ABCA12: variants seen among roughly 807,000 people sequenced by gnomAD.
ABCA12 encodes the protein ATP binding cassette subfamily A member 12.
In ABCA12, 156 loss-of-function variants were observed where a neutral mutation model predicts 293.5. The observed-to-expected ratio is 0.53, with a 90% CI of 0.47 to 0.61. The LOEUF (loss-of-function observed/expected upper bound fraction) is 0.61, where lower values mean the gene tolerates loss of function less well. Among genes scored for constraint, ABCA12 ranks in the 20% least tolerant of loss-of-function variants. The pLI is 0.00. For synonymous variants in ABCA12, 1,063 were observed against 1,108.0 expected (o/e 0.96, Z 0.81); for missense variants, 2,797 against 3,090.2 (o/e 0.91, Z 2.25).
chr2:214,994,307 T>A (rs1453048544), intron 23 of ABCA12, among the ~76,000 whole-genome samples: 1 of 151,988 alleles, frequency 6.6e-6, no homozygotes, highest in Non-Finnish European at 1.5e-5. Flanking sequence ...AGAGAGTCAC[T>A]TTTATCAAGC....
intron 1 of ABCA12, among the ~76,000 whole-genome samples, chr2:215,118,837 G>T (rs1468154511): frequency 1.3e-5 from 2 of 152,056 alleles, no homozygotes; most frequent in Non-Finnish European, 2.9e-5. Flanking sequence ...CATGTCTTTT[G>T]CCCGTTTTTT....
At chr2:214,994,462 C>T (rs1160812178) in intron 23 of ABCA12, among the ~76,000 whole-genome samples, 1 of 152,208 alleles carries the variant, frequency 6.6e-6, no homozygotes, top group Non-Finnish European at 1.5e-5. Context: ...TGTGTTGCCA[C>T]ATTCATGAGA....
chr2:214,999,543 T>A (rs1700099719), intron 22 of ABCA12, among the ~76,000 whole-genome samples: 1 of 152,188 alleles, frequency 6.6e-6, no homozygotes. Flanking sequence ...TAAGGCATAA[T>A]GAACATATTC....
At chr2:214,978,578 C>T (rs975273156) in intron 32 of ABCA12, 112 bp from the exon 33 acceptor site, 2 of 1,345,870 alleles carry the variant, frequency 1.5e-6, no homozygotes, top group Non-Finnish European at 2.1e-6. Flanking sequence ...ACAAATTTTT[C>T]CCGTCTGACT....
chr2:215,087,659 C>T (rs1702069446), intron 2 of ABCA12, among the ~76,000 whole-genome samples: 1 of 151,996 alleles, frequency 6.6e-6, no homozygotes, highest in Non-Finnish European at 1.5e-5. Context: ...AATTTGGGCT[C>T]CTAATACAAC....
At chr2:215,107,795 A>C (rs991631251) in intron 2 of ABCA12, among the ~76,000 whole-genome samples, 1 of 152,208 alleles carries the variant, frequency 6.6e-6, no homozygotes, top group African/African-American at 2.4e-5. Context: ...ATTACAGAAC[A>C]GAAGTTGTTG....
At chr2:214,963,988 C>T (rs1559118018) in intron 39 of ABCA12, among the ~76,000 whole-genome samples, 1 of 149,272 alleles carries the variant, frequency 6.7e-6, no homozygotes. Flanking sequence ...CAAAAATTCT[C>T]AATAAAACAC....
intron 2 of ABCA12, among the ~76,000 whole-genome samples, chr2:215,079,161 A>G (rs139089790): frequency 4.1e-4 from 63 of 152,352 alleles, no homozygotes; most frequent in Non-Finnish European, 7.2e-4. Flanking sequence ...GATAACAGAT[A>G]CTAAAATCGC....
intron 22 of ABCA12, chr2:214,999,790 G>T: frequency 1.0e-6 from 1 of 984,596 alleles, no homozygotes; most frequent in South Asian, 4.7e-5. Flanking sequence ...CTCCTTACCT[G>T]CTTCCTCATG....
chr2:215,045,287 G>C (rs767335765), intron 7 of ABCA12, among the ~76,000 whole-genome samples: 3 of 152,126 alleles, frequency 2.0e-5, no homozygotes, highest in Non-Finnish European at 4.4e-5. Flanking sequence ...TCCTGCAAAG[G>C]TTTTAAAATC....
intron 2 of ABCA12, among the ~76,000 whole-genome samples, chr2:215,090,672 CAG>C (rs1488886541): frequency 6.6e-6 from 1 of 152,148 alleles, no homozygotes; most frequent in Non-Finnish European, 1.5e-5. Context: ...TCCCACTTTT[CAG>C]AGGTGTCTGA....
chr2:215,007,976 T>C (rs1700291115), intron 18 of ABCA12, 130 bp from the exon 19 acceptor site: 1 of 1,184,114 alleles, frequency 8.4e-7, no homozygotes, highest in Non-Finnish European at 1.2e-6. Context: ...GTACAAACAA[T>C]TGTCAGAAAT....
intron 39 of ABCA12, among the ~76,000 whole-genome samples, chr2:214,965,063 A>G (rs554301965): frequency 1.3e-5 from 2 of 152,298 alleles, no homozygotes; most frequent in South Asian, 4.1e-4. Flanking sequence ...AGAACTCAGA[A>G]ATAAGACCAC....
At chr2:215,128,348 A>G (rs969926191) in intron 1 of ABCA12, among the ~76,000 whole-genome samples, 1 of 152,224 alleles carries the variant, frequency 6.6e-6, no homozygotes, top group South Asian at 2.1e-4. Context: ...CTAGGTCTCT[A>G]GCAAGGCTGG....
intron 28 of ABCA12, among the ~76,000 whole-genome samples, chr2:214,984,332 G>A (rs1033729006): frequency 3.3e-5 from 5 of 152,044 alleles, no homozygotes; most frequent in Non-Finnish European, 4.4e-5. Flanking sequence ...TCCTGACCTC[G>A]TGATCCACAC....
At chr2:215,038,449 G>A (rs1399143604) in intron 7 of ABCA12, among the ~76,000 whole-genome samples, 1 of 152,054 alleles carries the variant, frequency 6.6e-6, no homozygotes, top group Admixed American at 6.5e-5. Flanking sequence ...GGAGGAGGAG[G>A]GCAGAACATT....
rs137974203 is a variant in ABCA12, at chr2:214,974,860, A to G, written c.5386T>C (p.Tyr1796His). The part of the protein sequence containing the change: ...TSEQTAFYAN[Y>H]HPSTEALVSA... ...ACAAGTGCTTCCGTGCTCGGGTGAT[A>G]ATTACTGCAATATGAAAGGACAGAA... The change falls in exon 35 of 53, where the codon TAT (tyrosine) becomes CAT (histidine). Residue 1796 changes from tyrosine to histidine, a missense_variant. Tyr to His is a moderately conservative substitution (Grantham distance 83). This residue lies in a region of ABCA12 where 2,130 missense variants were observed against 2,427.0 expected (regional missense o/e 0.88). Transcript: ENST00000272895. 2.6e-5 allele frequency: 42 copies of G among 1,613,540 alleles called. No individual in the cohort carries two copies. Among genetic ancestry groups the G allele is most frequent in the Non-Finnish European group, 3.4e-5 (40 of 1,179,586 alleles).
intron 18 of ABCA12, among the ~76,000 whole-genome samples, chr2:215,009,696 G>C (rs1433061505): frequency 6.6e-6 from 1 of 152,050 alleles, no homozygotes; most frequent in Non-Finnish European, 1.5e-5. Flanking sequence ...AATTATAGTT[G>C]AATGGCCAAG....
intron 22 of ABCA12, chr2:214,999,824 A>T: frequency 1.0e-6 from 1 of 984,756 alleles, no homozygotes. Context: ...GGGTTACATT[A>T]CCTCATCTCA....
Sources: gnomAD v4.1 joint callset for allele counts (sites outside exome capture counted in the v4.1 genomes callset) on GRCh38, gnomAD v4.1.1 for gene constraint, gnomAD v4.1.1 regional missense constraint, MANE v1.5 for transcripts, NCBI Gene and HGNC (gene_info 2026-07-23, HGNC 2026-07-21) for gene names.